Variants in MLLT3 observed in about 807,000 individuals in gnomAD.
MLLT3 encodes the protein protein AF-9.
In MLLT3, 4 loss-of-function variants were observed where a neutral mutation model predicts 53.2. That is an observed-to-expected ratio of 0.08 (90% CI 0.04 to 0.17). The LOEUF (loss-of-function observed/expected upper bound fraction) is 0.17, where lower values mean the gene tolerates loss of function less well. Ranked by LOEUF, MLLT3 falls within the 10% of genes least tolerant of loss-of-function variation. The probability of loss-of-function intolerance (pLI) is 1.00; values close to 1 mark genes in which losing one functional copy is unlikely to be tolerated. For missense variants in MLLT3, 569 were observed against 684.0 expected (o/e 0.83, Z 1.87); for synonymous variants, 283 against 230.6 (o/e 1.23, Z -2.06).
At chr9:20,482,700 T>C (rs564677657) in intron 2 of MLLT3, among the ~76,000 whole-genome samples, 1 of 152,318 alleles carries the variant, frequency 6.6e-6, no homozygotes, top group African/African-American at 2.4e-5. Context: ...GAGTGAATAA[T>C]ACTAAGATAA....
chr9:20,560,301 AAAG>A (rs1447618379), intron 2 of MLLT3, among the ~76,000 whole-genome samples: 1 of 152,214 alleles, frequency 6.6e-6, no homozygotes, highest in East Asian at 1.9e-4. Context: ...GTCATTTTTA[AAAG>A]AAGGAGGCAA....
chr9:20,612,212 A>T (rs946642058), intron 2 of MLLT3, among the ~76,000 whole-genome samples: 2 of 152,188 alleles, frequency 1.3e-5, no homozygotes, highest in African/African-American at 4.8e-5. Flanking sequence ...TTGTGTCTAC[A>T]TGCAAGATTG....
chr9:20,448,015 T>C lies in MLLT3; in HGVS notation c.420+108A>G. 1 of 1,246,150 alleles carries C rather than the reference T, an allele frequency of 8.0e-7. No homozygotes were observed. The highest frequency in any genetic ancestry group is 1.5e-5 in the South Asian group (1 of 65,742). 77.2% of individuals were successfully genotyped at this position (1,246,150 alleles called of 1,614,324 possible). ...TAAGGTACATCATTTCTTTTACCTC[T>C]CCCAAAACCTTATACTTTTTAACAC... On this transcript the variant is annotated intron_variant, in intron 4 of 10. Coordinates refer to ENST00000380338, the MANE Select transcript of MLLT3 (RefSeq NM_004529.4). The surrounding 1 kb of genome is among the most constrained non-coding windows in gnomAD (Gnocchi z 4.0).
chr9:20,525,708 T>C (rs1306576870), intron 2 of MLLT3, among the ~76,000 whole-genome samples: 1 of 152,178 alleles, frequency 6.6e-6, no homozygotes, highest in East Asian at 1.9e-4. Flanking sequence ...GGCTTCTCCA[T>C]TTAATAGGTT....
At chr9:20,492,411 A>G (rs981286507) in intron 2 of MLLT3, among the ~76,000 whole-genome samples, 4 of 151,952 alleles carry the variant, frequency 2.6e-5, no homozygotes, top group Non-Finnish European at 5.9e-5. Flanking sequence ...TGTTCATTTT[A>G]TTATTTTGTT....
intron 4 of MLLT3, among the ~76,000 whole-genome samples, chr9:20,428,676 A>C (rs1823194043): frequency 6.6e-6 from 1 of 152,138 alleles, no homozygotes; most frequent in South Asian, 2.1e-4. Context: ...TGTAACCCTA[A>C]TAAAACAGTC....
chr9:20,608,667 T>C (rs1009137118), intron 2 of MLLT3, among the ~76,000 whole-genome samples: 1 of 151,954 alleles, frequency 6.6e-6, no homozygotes, highest in African/African-American at 2.4e-5. Flanking sequence ...AAATGTCAAA[T>C]AGCAAAATTT....
intron 2 of MLLT3, among the ~76,000 whole-genome samples, chr9:20,608,660 T>C (rs1418221745): frequency 6.6e-6 from 1 of 151,962 alleles, no homozygotes; most frequent in Admixed American, 6.6e-5. Context: ...GTGGCAAAAA[T>C]GTCAAATAGC....
chr9:20,351,632 C>T (rs569135543), intron 10 of MLLT3, among the ~76,000 whole-genome samples: 2 of 152,202 alleles, frequency 1.3e-5, no homozygotes, highest in South Asian at 2.1e-4. Context: ...CAAATAAAAT[C>T]GTCAGGCCAG....
At chr9:20,404,360 C>A (rs1225780770) in intron 5 of MLLT3, among the ~76,000 whole-genome samples, 1 of 152,138 alleles carries the variant, frequency 6.6e-6, no homozygotes, top group Non-Finnish European at 1.5e-5. Flanking sequence ...ATAAAATTAC[C>A]TAACAAAAGC....
In MLLT3 at chr9:20,432,727, T is replaced by C. The variant is rs367882792; in HGVS notation, c.420+15396A>G. ...TGCAAAATCAAAATCTTTTTGTTCA[T>C]TGAATACATATCGGCGTAAACAAAC... On this transcript the variant is annotated intron_variant, in intron 4 of 10. Transcript: ENST00000380338. Among the ~76,000 whole-genome samples, 5 of 152,158 alleles carry C rather than the reference T, an allele frequency of 3.3e-5. No individual in the cohort carries two copies. In the East Asian group the frequency reaches 9.6e-4, roughly 29 times the overall value.
intron 8 of MLLT3, 71 bp from the exon 9 acceptor site, chr9:20,354,950 A>C: frequency 9.8e-7 from 1 of 1,023,878 alleles, no homozygotes; most frequent in Non-Finnish European, 1.5e-6. Context: ...CACCTAAACA[A>C]AGGCATCCAC....
chr9:20,598,542 T>G (rs1820334565), intron 2 of MLLT3, among the ~76,000 whole-genome samples: 1 of 152,220 alleles, frequency 6.6e-6, no homozygotes, highest in Non-Finnish European at 1.5e-5. Context: ...ATTCTAACAG[T>G]TGCCATTAGT....
At position 20,621,506 on chromosome 9, in the gene MLLT3, C is replaced by A. The variant is rs1043377099; in HGVS notation, c.13-672G>T. 6.6e-6 allele frequency among the ~76,000 whole-genome samples: 1 copy of A among 152,136 alleles called. No homozygotes were observed. The highest frequency in any genetic ancestry group is 2.4e-5 in the African/African-American group (1 of 41,450). On this transcript the variant is annotated intron_variant, in intron 1 of 10. Coordinates refer to ENST00000380338, the MANE Select transcript of MLLT3 (RefSeq NM_004529.4). This position sits in a 1 kb window ranked among gnomAD's most constrained non-coding sequence, Gnocchi z 7.0. ...GAGGCATCCATAACTTAGAGCACCC[C>A]GCACCCCCCAGCGAAAAGCCCCACG...
intron 2 of MLLT3, among the ~76,000 whole-genome samples, chr9:20,558,349 T>C (rs1325097209): frequency 6.6e-6 from 1 of 152,140 alleles, no homozygotes; most frequent in Admixed American, 6.6e-5. Context: ...GCCAGGCTGA[T>C]CTCAAGTGCC....
intron 2 of MLLT3, among the ~76,000 whole-genome samples, chr9:20,582,353 T>G (rs1257196287): frequency 6.6e-6 from 1 of 152,212 alleles, no homozygotes; most frequent in Non-Finnish European, 1.5e-5. Context: ...AAAAGTAGTT[T>G]CACTGCCCTA....
At chr9:20,551,564 CTT>C (rs1818926003) in intron 2 of MLLT3, among the ~76,000 whole-genome samples, 1 of 152,154 alleles carries the variant, frequency 6.6e-6, no homozygotes, top group African/African-American at 2.4e-5. Flanking sequence ...TCCTGTGACA[CTT>C]TTAATTCAAA....
chr9:20,491,810 T>G (rs1037200790), intron 2 of MLLT3, among the ~76,000 whole-genome samples: 3 of 152,138 alleles, frequency 2.0e-5, no homozygotes, highest in African/African-American at 7.2e-5. Flanking sequence ...TTTTCTTGTG[T>G]GACTTTTCAC....
intron 10 of MLLT3, 26 bp downstream of exon 10, chr9:20,353,498 AG>A: frequency 6.2e-7 from 1 of 1,601,022 alleles, no homozygotes; most frequent in South Asian, 1.1e-5. Context: ...GTTTCTGGAA[AG>A]GGTTGTGCTA....
Sources: gnomAD v4.1 joint callset for allele counts (sites outside exome capture counted in the v4.1 genomes callset) on GRCh38, gnomAD v4.1.1 for gene constraint, Gnocchi (gnomAD v3.1) non-coding constraint, MANE v1.5 for transcripts, NCBI Gene and HGNC (gene_info 2026-07-23, HGNC 2026-07-21) for gene names.